Variants in COG6 observed in about 807,000 individuals in gnomAD.
COG6 encodes the protein conserved oligomeric Golgi complex subunit 6.
A neutral mutation model predicts 88.8 loss-of-function variants in COG6; 74 were observed. That is an observed-to-expected ratio of 0.83 (90% CI 0.69 to 1.01). The LOEUF (loss-of-function observed/expected upper bound fraction) is 1.01. Ranked by LOEUF, COG6 falls within the 50% of genes least tolerant of loss-of-function variation. The probability of loss-of-function intolerance (pLI) is 0.00; values close to 1 mark genes in which losing one functional copy is unlikely to be tolerated. For missense variants in COG6, 800 were observed against 797.9 expected (o/e 1.00, Z -0.03); for synonymous variants, 286 against 278.7 (o/e 1.03, Z -0.26).
At chr13:39,665,796 C>A (rs1255835498) in intron 4 of COG6, among the ~76,000 whole-genome samples, 1 of 152,150 alleles carries the variant, frequency 6.6e-6, no homozygotes, top group Non-Finnish European at 1.5e-5. Context: ...ATCACTTAAA[C>A]CTTTTAGTAT....
intron 18 of COG6, among the ~76,000 whole-genome samples, chr13:39,767,197 T>A (rs1211970373): frequency 2.0e-5 from 3 of 152,240 alleles, no homozygotes; most frequent in Non-Finnish European, 4.4e-5. Flanking sequence ...TGTTAACGTT[T>A]ATCTGCTTTC....
Position 39,719,096 on chromosome 13 carries a change from G to A in COG6, c.1285-140G>A, listed in dbSNP as rs1878698269. 3 of 764,878 alleles carry A rather than the reference G, an allele frequency of 3.9e-6. No individual in the cohort carries two copies. The South Asian group carries it at 4.6e-5, about 12-fold the overall frequency. 47.4% of individuals were successfully genotyped at this position (764,878 alleles called of 1,614,324 possible). A position where few individuals can be genotyped will look rare whatever the true frequency, so the allele number is the denominator to read the frequency against. ...GTGCTGTTAATATAGTTCAAAGTAA[G>A]CTATTGATAAATTATAGGTTTCTAA... On this transcript the variant is annotated intron_variant, in intron 13 of 18. Coordinates refer to ENST00000455146, the MANE Select transcript of COG6 (RefSeq NM_020751.3).
chr13:39,767,093 C>T (rs1369036020), intron 18 of COG6, among the ~76,000 whole-genome samples: 1 of 152,168 alleles, frequency 6.6e-6, no homozygotes, highest in African/African-American at 2.4e-5. Flanking sequence ...CCTTCCTTCT[C>T]TATTTGTTTC....
Position 39,655,728 on chromosome 13 carries a change from T to TGGCAGAG in COG6, c.8_14dup (p.Ser5?). 3 of 1,593,368 alleles carry TGGCAGAG rather than the reference T, an allele frequency of 1.9e-6. No individual in the cohort carries two copies. The highest frequency in any genetic ancestry group is 2.6e-6 in the Non-Finnish European group (3 of 1,169,568). On this transcript the variant is annotated frameshift_variant and start_lost, in exon 1 of 19. Coordinates refer to ENST00000455146, the MANE Select transcript of COG6 (RefSeq NM_020751.3). LOFTEE classifies it high-confidence loss of function. ...GCAGGGGGCGGGACGCGCAGCGCTA[T>TGGCAGAG]GGCAGAGGGCAGCGGGGAAGTGGTC...
intron 12 of COG6, among the ~76,000 whole-genome samples, chr13:39,695,592 G>A (rs1262674542): frequency 6.6e-6 from 1 of 151,794 alleles, no homozygotes; most frequent in African/African-American, 2.4e-5. Flanking sequence ...GGTTCAGGGA[G>A]CACTAGTTTA....
At chr13:39,783,596 G>A (rs1310178227) in intron 18 of COG6, among the ~76,000 whole-genome samples, 1 of 152,110 alleles carries the variant, frequency 6.6e-6, no homozygotes, top group East Asian at 1.9e-4. Context: ...GTGCTTGTGA[G>A]ATTGAAAAGG....
chr13:39,758,536 A>G (rs369841799), intron 18 of COG6, among the ~76,000 whole-genome samples: 1 of 152,228 alleles, frequency 6.6e-6, no homozygotes, highest in Non-Finnish European at 1.5e-5. Flanking sequence ...CAGAATCACA[A>G]TGAGATTCTA....
At position 39,727,493 on chromosome 13, in the gene COG6, G is replaced by GC; in HGVS notation, c.1775dup (p.Asp593ArgfsTer34). The GC allele has an allele frequency of 1.2e-6, 2 of 1,612,892 alleles. No individual in the cohort carries two copies. The highest frequency in any genetic ancestry group is 1.7e-5 in the Admixed American group (1 of 60,014). On this transcript the variant is annotated frameshift_variant, in exon 18 of 19. Transcript: ENST00000455146. LOFTEE classifies it high-confidence loss of function. ...GGTTCAGTTTGATCGTTATCTGTCA[G>GC]CCCCAGACAACCTATTGATACCACA...
At chr13:39,677,764 G>A (rs536157936) in intron 5 of COG6, among the ~76,000 whole-genome samples, 185 bp downstream of exon 5, 13 of 152,168 alleles carry the variant, frequency 8.5e-5, no homozygotes, top group African/African-American at 2.6e-4. Flanking sequence ...TTTTTAAAAA[G>A]AGTCAAAGTT....
intron 13 of COG6, among the ~76,000 whole-genome samples, chr13:39,708,040 G>A (rs1328050754): frequency 1.3e-5 from 2 of 152,118 alleles, no homozygotes; most frequent in East Asian, 1.9e-4. Flanking sequence ...TCTCCAGTAC[G>A]TGATGTTGTT....
intron 13 of COG6, among the ~76,000 whole-genome samples, chr13:39,713,694 C>A (rs1288355551): frequency 1.3e-5 from 2 of 151,950 alleles, no homozygotes; most frequent in Admixed American, 1.3e-4. Context: ...CGAGATCATG[C>A]CACTGCACTC....
chr13:39,752,160 A>C lies in COG6; in HGVS notation c.*1067A>C. On this transcript the variant is annotated 3_prime_UTR_variant, in exon 19 of 19. Coordinates refer to ENST00000455146, the MANE Select transcript of COG6 (RefSeq NM_020751.3). Reference sequence around the variant, plus strand: ...CATTCTTGTCAGCAAAAAAAAACTTAATTTCTAGTAAATCTATAAAAATGG... The same window carrying C: ...CATTCTTGTCAGCAAAAAAAAACTTCATTTCTAGTAAATCTATAAAAATGG... The C allele has an allele frequency of 1.7e-6, 2 of 1,190,206 alleles. No homozygotes were observed. The highest frequency in any genetic ancestry group is 2.2e-6 in the Non-Finnish European group (2 of 925,370). The allele number at this position is 1,190,206 out of a possible 1,614,324, so 73.7% of individuals were successfully genotyped here. A position where few individuals can be genotyped will look rare whatever the true frequency, so the allele number is the denominator to read the frequency against.
intron 4 of COG6, 45 bp from the exon 5 acceptor site, chr13:39,677,423 C>G (rs1353740454): frequency 1.9e-6 from 2 of 1,068,228 alleles, no homozygotes; most frequent in Non-Finnish European, 2.9e-6. Flanking sequence ...AGCTATGCAA[C>G]TGTGTAAGAT....
At chr13:39,699,377 C>G (rs544001258) in intron 12 of COG6, 124 bp from the exon 13 acceptor site, 2 of 569,240 alleles carry the variant, frequency 3.5e-6, no homozygotes, top group East Asian at 6.1e-5. Flanking sequence ...ATTTTTAATT[C>G]ACAGGTTATA....
chr13:39,738,990 T>C (rs1477840639), intron 18 of COG6, among the ~76,000 whole-genome samples: 1 of 152,120 alleles, frequency 6.6e-6, no homozygotes, highest in Non-Finnish European at 1.5e-5. Context: ...GAAATTAACA[T>C]GATGCTTCAT....
intron 18 of COG6, among the ~76,000 whole-genome samples, chr13:39,763,240 GTTAT>G (rs201776361): frequency 0.021 from 3,206 of 151,712 alleles, 42 homozygotes; most frequent in South Asian, 0.04. Flanking sequence ...AATTGTAAGC[GTTAT>G]TTGTGTATTA....
At chr13:39,685,901 C>T (rs1308119372) in intron 8 of COG6, among the ~76,000 whole-genome samples, 1 of 152,118 alleles carries the variant, frequency 6.6e-6, no homozygotes, top group East Asian at 1.9e-4. Context: ...ATCTCAAAAC[C>T]ATTTCTTTTT....
downstream of COG6, chr13:39,752,697 C>A: frequency 8.7e-7 from 1 of 1,143,692 alleles, no homozygotes; most frequent in Non-Finnish European, 1.1e-6. Context: ...AGAAAATGCA[C>A]TAATGGAAAA....
At position 39,723,315 on chromosome 13, in the gene COG6, C is replaced by G. The variant is rs1342734795; in HGVS notation, c.1585-18C>G. The G allele has an allele frequency of 6.7e-7, 1 of 1,486,650 alleles. No individual in the cohort carries two copies. Among genetic ancestry groups the G allele is most frequent in the African/African-American group, 1.4e-5 (1 of 72,416 alleles). 92.1% of individuals were successfully genotyped at this position (1,486,650 alleles called of 1,614,324 possible). Reference sequence around the variant, plus strand: ...TGTCATTCTTCTTTTAAAATGTTTTCTTTGTGTTTTATTTTAGATCGAAGC... The same window carrying G: ...TGTCATTCTTCTTTTAAAATGTTTTGTTTGTGTTTTATTTTAGATCGAAGC... On this transcript the variant is annotated intron_variant, in intron 15 of 18. Transcript: ENST00000455146.
Sources: gnomAD v4.1 joint callset for allele counts (sites outside exome capture counted in the v4.1 genomes callset) on GRCh38, gnomAD v4.1.1 for gene constraint, MANE v1.5 for transcripts, NCBI Gene and HGNC (gene_info 2026-07-23, HGNC 2026-07-21) for gene names.